ADD1: variants seen among roughly 807,000 people sequenced by gnomAD.
ADD1 encodes the protein adducin 1, also known as alpha-adducin.
ADD1 carries 24 observed loss-of-function variants against 80.5 expected under a neutral mutation model. The observed-to-expected ratio is 0.30, with a 90% CI of 0.22 to 0.42. The LOEUF is 0.42. Ranked by LOEUF, ADD1 falls within the 10% of genes least tolerant of loss-of-function variation. ADD1 has a pLI of 1.00. For synonymous variants in ADD1, 373 were observed against 393.8 expected, an observed-to-expected ratio of 0.95 and a Z score of 0.63; for missense variants, 948 against 1,019.0, an observed-to-expected ratio of 0.93 and a Z score of 0.95.
chr4:2,857,036 C>CT (rs1728186077), intron 1 of ADD1, among the ~76,000 whole-genome samples: 1 of 152,048 alleles, frequency 6.6e-6, no homozygotes, highest in Non-Finnish European at 1.5e-5. Flanking sequence ...CCTCAGCCTC[C>CT]TGAGTAGCTG....
intron 15 of ADD1, among the ~76,000 whole-genome samples, 167 bp from the exon 16 acceptor site, chr4:2,928,004 C>T (rs537161743): frequency 1.3e-5 from 2 of 152,240 alleles, no homozygotes; most frequent in South Asian, 4.1e-4. Context: ...GATATTAGCT[C>T]CATCCAGCCG....
chr4:2,919,756 C>CT (rs1739682882), intron 14 of ADD1, among the ~76,000 whole-genome samples: 2 of 151,356 alleles, frequency 1.3e-5, no homozygotes, highest in South Asian at 4.2e-4. Flanking sequence ...GCTAAATGGT[C>CT]TATCTATTTT....
intron 9 of ADD1, 118 bp downstream of exon 9, chr4:2,899,553 A>G (rs1485491371): frequency 8.9e-7 from 1 of 1,124,396 alleles, no homozygotes; most frequent in South Asian, 1.3e-5. Flanking sequence ...CTTCACCTTC[A>G]AAGTCATGAA....
chr4:2,928,361 C>T lies in ADD1; in HGVS notation c.2238C>T (p.Asp746=), dbSNP rs1712299725. The T allele has an allele frequency of 1.2e-6, 2 of 1,613,654 alleles. No individual in the cohort carries two copies. The highest frequency in any genetic ancestry group is 1.7e-6 in the Non-Finnish European group (2 of 1,179,904). ...AGGCCAGCCCCGAGCCAGCCCCAGACCCAGCCCCGGTGGCTGAAGAGGCTG... is the reference window on the plus strand; with the variant it reads ...AGGCCAGCCCCGAGCCAGCCCCAGATCCAGCCCCGGTGGCTGAAGAGGCTG... ...PTEASPEPAP[D]PAPVAEEAAP... The change falls in exon 16 of 16, where the codon GAC becomes GAT. Residue 746 remains aspartate, a synonymous_variant. Coordinates refer to ENST00000683351, the MANE Select transcript of ADD1 (RefSeq NM_001354761.2).
intron 13 of ADD1, among the ~76,000 whole-genome samples, chr4:2,912,105 C>T (rs937375371): frequency 3.9e-5 from 6 of 152,322 alleles, no homozygotes; most frequent in South Asian, 2.1e-4. Context: ...TGCACAGCCT[C>T]GGGTGGAGCT....
chr4:2,876,306 G>C (rs1560173411), intron 2 of ADD1, 196 bp downstream of exon 2: 5 of 473,934 alleles, frequency 1.1e-5, no homozygotes, highest in Admixed American at 4.0e-5. Flanking sequence ...AAAATCTTCA[G>C]TGTCGTAAAG....
chr4:2,915,582 A>G (rs541965504), intron 14 of ADD1, among the ~76,000 whole-genome samples: 61 of 152,308 alleles, frequency 4.0e-4, no homozygotes, highest in African/African-American at 1.4e-3. Flanking sequence ...CAGGGCTTTC[A>G]GTGAGCCGAG....
rs374585294 is a variant in ADD1 at position 2,876,069 on chromosome 4, A to G, written c.154A>G (p.Met52Val). The change falls in exon 2 of 16, where the codon ATG (methionine) becomes GTG (valine). Residue 52 changes from methionine to valine, a missense_variant. Coordinates refer to ENST00000683351, the MANE Select transcript of ADD1 (RefSeq NM_001354761.2). ...AGACCTTCGCCAGGACTTCAACATG[A>G]TGGAGCAAAAGAAGAGGGTGTCCAT... ...APDLRQDFNM[M>V]EQKKRVSMIL... 7.4e-6 allele frequency: 12 copies of G among 1,614,010 alleles called. No homozygotes were observed. Among genetic ancestry groups the G allele is most frequent in the Admixed American group, 1.7e-5 (1 of 59,996 alleles).
intron 14 of ADD1, among the ~76,000 whole-genome samples, chr4:2,915,919 C>T (rs1014947): frequency 0.24 from 36,664 of 151,978 alleles, 4,820 homozygotes; most frequent in Non-Finnish European, 0.28. Flanking sequence ...CAAGAGTCTG[C>T]GCGCCATACT....
At chr4:2,899,906 A>G (rs1454743200) in intron 9 of ADD1, 7 of 275,162 alleles carry the variant, frequency 2.5e-5, no homozygotes, top group South Asian at 1.1e-4. Context: ...TTGCAGGGAC[A>G]CAGAGCCCGG....
intron 1 of ADD1, among the ~76,000 whole-genome samples, chr4:2,851,927 C>T (rs901809179): frequency 9.9e-5 from 15 of 152,102 alleles, no homozygotes; most frequent in Admixed American, 5.2e-4. Flanking sequence ...CCGCAACCTC[C>T]GCCTCCCAGG....
chr4:2,926,039 G>C lies in ADD1; in HGVS notation c.1974G>C (p.Gln658His), dbSNP rs143366247. Residue 658 changes from glutamine to histidine, a missense_variant, in exon 15 of 16, where the codon CAG becomes CAC. Physicochemically the swap from Gln to His is conservative, Grantham distance 24. Transcript: ENST00000683351. The surrounding 1 kb of genome is among the most constrained non-coding windows in gnomAD (Gnocchi z 5.0). ...AGAATCTGGACGAGGCTAGAGAACA[G>C]AAAGAAAAGAGTCCTCCAGACCAGC... ...SEENLDEARE[Q>H]KEKSPPDQPA... is the part of the protein sequence containing the mutation. The C allele has an allele frequency of 6.2e-7, 1 of 1,614,124 alleles. No individual in the cohort carries two copies. Among genetic ancestry groups the C allele is most frequent in the South Asian group, 1.1e-5 (1 of 91,078 alleles).
At position 2,899,656 on chromosome 4, in the gene ADD1, T is replaced by C. The variant is rs1010109590; in HGVS notation, c.1161+221T>C. The C allele has an allele frequency of 1.4e-5, 8 of 582,880 alleles. No homozygotes were observed. The South Asian group carries it at 1.5e-4, about 11-fold the overall frequency. The allele number at this position is 582,880 out of a possible 1,614,324, so 36.1% of individuals were successfully genotyped here. ...ATTGTTTTATTTTTTAAAGATAACC[T>C]TGTGTTTGGACTCAGTGGGGACAAG... On this transcript the variant is annotated intron_variant, in intron 9 of 15. Transcript: ENST00000683351.
chr4:2,884,717 C>G, intron 4 of ADD1, 51 bp downstream of exon 4: 2 of 1,512,646 alleles, frequency 1.3e-6, no homozygotes, highest in Non-Finnish European at 1.8e-6. Context: ...TATTTTGTGT[C>G]TGGCACCACC....
intron 2 of ADD1, among the ~76,000 whole-genome samples, chr4:2,878,992 A>G (rs907751914): frequency 5.9e-5 from 9 of 152,016 alleles, no homozygotes; most frequent in Non-Finnish European, 1.2e-4. Flanking sequence ...TTGAAGAGAG[A>G]CATGGTTACT....
At chr4:2,845,179 TCTC>T (rs1725999414) in intron 1 of ADD1, among the ~76,000 whole-genome samples, 1 of 152,012 alleles carries the variant, frequency 6.6e-6, no homozygotes, top group Non-Finnish European at 1.5e-5. Flanking sequence ...TTCAAGCAAT[TCTC>T]CTACCTCAGC....
intron 13 of ADD1, 59 bp downstream of exon 13, chr4:2,909,490 C>G (rs1018497115): frequency 6.4e-6 from 7 of 1,098,422 alleles, no homozygotes; most frequent in East Asian, 4.5e-5. Flanking sequence ...CCCCTCCCCC[C>G]TCCCCGTCTC....
At chr4:2,846,816 T>TA (rs761045902) in intron 1 of ADD1, among the ~76,000 whole-genome samples, 11,409 of 117,532 alleles carry the variant, frequency 0.097, 1,199 homozygotes, top group African/African-American at 0.26. Flanking sequence ...TCTGTCTCTT[T>TA]AAAAAAAAAA....
chr4:2,915,497 C>T (rs760676243), intron 14 of ADD1, among the ~76,000 whole-genome samples: 19 of 152,178 alleles, frequency 1.2e-4, no homozygotes, highest in African/African-American at 3.1e-4. Flanking sequence ...AAAAATTAGC[C>T]GGATGTGGTG....
Sources: gnomAD v4.1 joint callset for allele counts (sites outside exome capture counted in the v4.1 genomes callset) on GRCh38, gnomAD v4.1.1 for gene constraint, Gnocchi (gnomAD v3.1) non-coding constraint, MANE v1.5 for transcripts, NCBI Gene and HGNC (gene_info 2026-07-23, HGNC 2026-07-21) for gene names.